The following RBFOX1 variants were observed in gnomAD, a reference collection of about 807,000 sequenced individuals.
RBFOX1 encodes the protein RNA binding protein fox-1 homolog 1.
A neutral mutation model predicts 57.7 loss-of-function variants in RBFOX1; 8 were observed. The observed-to-expected ratio is 0.14, with a 90% confidence interval of 0.08 to 0.25. The LOEUF (loss-of-function observed/expected upper bound fraction) is 0.25, where lower values mean the gene tolerates loss of function less well. RBFOX1 is among the 10% of genes least tolerant of loss of function. The pLI, the probability that RBFOX1 is intolerant of heterozygous loss-of-function variation, is 1.00. For missense variants in RBFOX1, 611 were observed against 548.5 expected, an observed-to-expected ratio of 1.11 and a Z score of -1.14; for synonymous variants, 326 against 222.4, an observed-to-expected ratio of 1.47 and a Z score of -4.15.
chr16:5,333,047 G>T (rs1159572174), intron 1 of RBFOX1, among the ~76,000 whole-genome samples: 12 of 152,120 alleles, frequency 7.9e-5, no homozygotes, highest in Admixed American at 7.2e-4. Flanking sequence ...AATTAGCCGG[G>T]TGTGGTGGTG....
At chr16:7,567,752 T>C (rs1343406632) in intron 5 of RBFOX1, among the ~76,000 whole-genome samples, 1 of 142,074 alleles carries the variant, frequency 7.0e-6, no homozygotes, top group Non-Finnish European at 1.5e-5. Context: ...TATATATCCA[T>C]ATAACCCTAT....
At chr16:6,854,908 T>C (rs2057540602) in intron 3 of RBFOX1, among the ~76,000 whole-genome samples, 1 of 151,972 alleles carries the variant, frequency 6.6e-6, no homozygotes, top group Non-Finnish European at 1.5e-5. Flanking sequence ...TGAATAATTT[T>C]TTTATTCTGG....
At chr16:7,256,568 C>T (rs1023168365) in intron 4 of RBFOX1, among the ~76,000 whole-genome samples, 1 of 152,078 alleles carries the variant, frequency 6.6e-6, no homozygotes, top group African/African-American at 2.4e-5. Flanking sequence ...CTGTTTATAC[C>T]ATGTAAACTG....
intron 3 of RBFOX1, among the ~76,000 whole-genome samples, chr16:5,692,597 G>C (rs995481933): frequency 6.6e-6 from 1 of 152,166 alleles, no homozygotes; most frequent in Non-Finnish European, 1.5e-5. Context: ...AGTTTGTGAA[G>C]ATTTGTTATG....
intron 4 of RBFOX1, among the ~76,000 whole-genome samples, chr16:7,228,258 A>G (rs755485055): frequency 6.6e-6 from 1 of 151,696 alleles, no homozygotes; most frequent in South Asian, 2.1e-4. Flanking sequence ...TGAACTTCCG[A>G]CTGATCAGAG....
intron 2 of RBFOX1, among the ~76,000 whole-genome samples, chr16:6,345,299 C>T (rs1335154457): frequency 6.6e-6 from 1 of 152,214 alleles, no homozygotes; most frequent in African/African-American, 2.4e-5. Flanking sequence ...CCTTACAGAG[C>T]AGGGCTCCCC....
chr16:7,003,217 T>G (rs1319440835), intron 3 of RBFOX1, among the ~76,000 whole-genome samples: 7 of 152,026 alleles, frequency 4.6e-5, no homozygotes, highest in Admixed American at 4.6e-4. Context: ...TCCCAGCACT[T>G]TGGGAGGCCG....
At chr16:6,770,627 A>T (rs188626735) in intron 3 of RBFOX1, among the ~76,000 whole-genome samples, 2 of 152,064 alleles carry the variant, frequency 1.3e-5, no homozygotes, top group East Asian at 1.9e-4. Flanking sequence ...AAAGAAATCA[A>T]TCTCTACTCA....
chr16:6,609,798 A>G (rs2098013870), intron 2 of RBFOX1, among the ~76,000 whole-genome samples: 2 of 152,072 alleles, frequency 1.3e-5, no homozygotes, highest in African/African-American at 2.4e-5. Context: ...TTACAAGGTC[A>G]AAAGGTCAAG....
intron 3 of RBFOX1, among the ~76,000 whole-genome samples, chr16:5,733,908 T>C (rs74006242): frequency 2.4e-4 from 37 of 152,238 alleles, no homozygotes; most frequent in African/African-American, 7.9e-4. Context: ...ACATCTATTC[T>C]GCCCTACCCC....
chr16:6,908,467 C>G (rs2153427100), intron 3 of RBFOX1, among the ~76,000 whole-genome samples: 1 of 152,280 alleles, frequency 6.6e-6, no homozygotes, highest in South Asian at 2.1e-4. Context: ...TAGACTTTCT[C>G]CCCAGCATGC....
intron 1 of RBFOX1, among the ~76,000 whole-genome samples, chr16:6,195,559 A>T (rs2097174472): frequency 6.6e-6 from 1 of 152,092 alleles, no homozygotes; most frequent in Non-Finnish European, 1.5e-5. Flanking sequence ...GTCTACTAAA[A>T]ATACAAAAAA....
chr16:6,262,045 A>C (rs895854455), intron 1 of RBFOX1, among the ~76,000 whole-genome samples: 4 of 152,068 alleles, frequency 2.6e-5, no homozygotes, highest in African/African-American at 9.7e-5. Flanking sequence ...ACAAAAAAAA[A>C]AGAAAGAAAG....
chr16:7,268,299 G>A (rs2095226513), intron 4 of RBFOX1, among the ~76,000 whole-genome samples: 1 of 152,236 alleles, frequency 6.6e-6, no homozygotes, highest in South Asian at 2.1e-4. Flanking sequence ...TGCTATTCAG[G>A]GAACGGACAG....
chr16:6,796,895 C>T (rs561724566), intron 3 of RBFOX1, among the ~76,000 whole-genome samples: 1 of 152,078 alleles, frequency 6.6e-6, no homozygotes, highest in South Asian at 2.1e-4. Flanking sequence ...GTTAAATGTA[C>T]CTATGTCTCC....
In RBFOX1 at chr16:7,108,787, C is replaced by T. The variant is rs553833165; in HGVS notation, c.27+56689C>T. Among the ~76,000 whole-genome samples the T allele has an allele frequency of 1.1e-4, 16 of 152,218 alleles. No individual in the cohort carries two copies. In the South Asian group the frequency reaches 1.7e-3, roughly 16 times the overall value. On this transcript the variant is annotated intron_variant, in intron 4 of 15. Coordinates refer to ENST00000550418, the MANE Select transcript of RBFOX1 (RefSeq NM_018723.4). ...CCTGTGCTCAAAGATGCATGTATTA[C>T]GAGGCTCATGAAGGCTTGTTTGTTG...
intron 2 of RBFOX1, among the ~76,000 whole-genome samples, chr16:6,650,398 C>T (rs553494299): frequency 1.3e-4 from 20 of 152,094 alleles, no homozygotes; most frequent in Admixed American, 9.2e-4. Flanking sequence ...ATAAAATTAC[C>T]TGGAGGAAAG....
At chr16:7,328,012 A>G (rs1038137764) in intron 4 of RBFOX1, among the ~76,000 whole-genome samples, 20 of 151,938 alleles carry the variant, frequency 1.3e-4, no homozygotes, top group African/African-American at 4.6e-4. Context: ...CTTCTCTTTC[A>G]TTGACGTCTA....
chr16:7,706,504 T>C (rs1198613180), intron 14 of RBFOX1, among the ~76,000 whole-genome samples: 3 of 152,234 alleles, frequency 2.0e-5, no homozygotes, highest in African/African-American at 7.2e-5. Flanking sequence ...TTTTATTAAA[T>C]ACATTCAAAT....
Sources: gnomAD v4.1 joint callset for allele counts (sites outside exome capture counted in the v4.1 genomes callset) on GRCh38, gnomAD v4.1.1 for gene constraint, MANE v1.5 for transcripts, NCBI Gene and HGNC (gene_info 2026-07-23, HGNC 2026-07-21) for gene names.